Variants in CSMD1 observed in about 807,000 individuals in gnomAD.
The protein encoded by CSMD1 is CUB and Sushi multiple domains 1.
A neutral mutation model predicts 417.5 loss-of-function variants in CSMD1; 213 were observed. The ratio of observed to expected loss-of-function variants is 0.51; its 90% CI spans 0.46 to 0.57. The LOEUF is 0.57. CSMD1 is among the 20% of genes least tolerant of loss of function. The pLI, the probability that CSMD1 is intolerant of heterozygous loss-of-function variation, is 0.00. For missense variants in CSMD1, 6,923 were observed against 4,529.7 expected (o/e 1.53, Z -15.17); for synonymous variants, 2,862 against 1,736.8 (o/e 1.65, Z -16.11).
In CSMD1 at chr8:3,942,411, G is replaced by A. The variant is rs1409426063; in HGVS notation, c.818+55492C>T. Among the ~76,000 whole-genome samples, 3 of 152,054 alleles carry A rather than the reference G, an allele frequency of 2.0e-5. No homozygotes were observed. The East Asian group carries it at 5.8e-4, about 29-fold the overall frequency. The stretch of plus-strand genomic sequence containing the variant: ...CTTTTCTCAAAGTGACACTGCTAAG[G>A]CAAAGCATTACATTTATGGTACCTG... On this transcript the variant is annotated intron_variant, in intron 5 of 69. Transcript: ENST00000635120.
At chr8:4,796,787 C>T (rs757376902) in intron 1 of CSMD1, among the ~76,000 whole-genome samples, 5 of 152,284 alleles carry the variant, frequency 3.3e-5, no homozygotes, top group East Asian at 1.9e-4. Flanking sequence ...TTTGCAATCA[C>T]GGTGAGTAAA....
At chr8:3,993,477 A>G (rs1243400052) in intron 5 of CSMD1, among the ~76,000 whole-genome samples, 1 of 152,156 alleles carries the variant, frequency 6.6e-6, no homozygotes. Context: ...AGCTTTCCCC[A>G]TTTCTCTGAA....
chr8:3,069,600 G>A (rs1387973526), intron 49 of CSMD1, among the ~76,000 whole-genome samples: 2 of 152,170 alleles, frequency 1.3e-5, no homozygotes. Context: ...GCCTTGGGCA[G>A]CTTTGCTTCT....
chr8:3,809,708 C>G (rs1477232713), intron 5 of CSMD1, among the ~76,000 whole-genome samples: 1 of 152,090 alleles, frequency 6.6e-6, no homozygotes, highest in Non-Finnish European at 1.5e-5. Context: ...GAGACACTGC[C>G]ACGAATCTAT....
intron 17 of CSMD1, among the ~76,000 whole-genome samples, chr8:3,394,012 TTATATATATATATATATATATATATATA>T (rs1175905929): frequency 6.3e-5 from 2 of 31,632 alleles, no homozygotes; most frequent in Non-Finnish European, 1.2e-4. Context: ...AAAAAATAAA[TTATATATATATATATATATATATATATA>T]TATATATATA....
At chr8:4,262,773 G>A (rs972957404) in intron 3 of CSMD1, among the ~76,000 whole-genome samples, 9 of 152,148 alleles carry the variant, frequency 5.9e-5, no homozygotes, top group Non-Finnish European at 1.3e-4. Flanking sequence ...ACTCAGCTAT[G>A]GAGAGGAAGG....
At chr8:3,776,595 G>T (rs1798896836) in intron 5 of CSMD1, among the ~76,000 whole-genome samples, 1 of 152,022 alleles carries the variant, frequency 6.6e-6, no homozygotes, top group African/African-American at 2.4e-5. Context: ...CGGGACTTTT[G>T]TTAAATCTCA....
chr8:3,147,068 G>A (rs1818889368), intron 40 of CSMD1, among the ~76,000 whole-genome samples: 1 of 148,210 alleles, frequency 6.7e-6, no homozygotes, highest in African/African-American at 2.6e-5. Flanking sequence ...AACTGGAGGA[G>A]CAACGCTTAC....
intron 5 of CSMD1, among the ~76,000 whole-genome samples, chr8:3,858,756 C>T (rs1804486587): frequency 1.3e-5 from 2 of 152,018 alleles, no homozygotes; most frequent in South Asian, 4.2e-4. Flanking sequence ...GGATGTTACA[C>T]TCCTGTATAA....
chr8:4,457,600 C>A (rs564002403), intron 2 of CSMD1, among the ~76,000 whole-genome samples: 1 of 151,982 alleles, frequency 6.6e-6, no homozygotes, highest in Non-Finnish European at 1.5e-5. Context: ...CCCTACATTG[C>A]TACTTAATCA....
chr8:4,458,473 T>C (rs1053035859), intron 2 of CSMD1, among the ~76,000 whole-genome samples: 1 of 152,214 alleles, frequency 6.6e-6, no homozygotes, highest in African/African-American at 2.4e-5. Flanking sequence ...GTAACTACTA[T>C]TGCTAAGCAT....
At chr8:4,632,999 C>G (rs1478283) in intron 2 of CSMD1, among the ~76,000 whole-genome samples, 110,156 of 151,858 alleles carry the variant, frequency 0.73, 40,417 homozygotes, top group Admixed American at 0.82. Flanking sequence ...CGATCATGGA[C>G]TTTCTTGAAT....
chr8:4,216,011 T>C (rs1366899079), intron 3 of CSMD1, among the ~76,000 whole-genome samples: 1 of 152,194 alleles, frequency 6.6e-6, no homozygotes, highest in African/African-American at 2.4e-5. Flanking sequence ...CAGCCACAAA[T>C]AGCCAGTCCT....
chr8:3,956,778 G>T (rs912407274), intron 5 of CSMD1, among the ~76,000 whole-genome samples: 1 of 152,082 alleles, frequency 6.6e-6, no homozygotes, highest in Non-Finnish European at 1.5e-5. Flanking sequence ...TTAGCCTCTG[G>T]AAGAATCGAT....
At chr8:4,259,504 C>A (rs13253622) in intron 3 of CSMD1, among the ~76,000 whole-genome samples, 62,925 of 151,268 alleles carry the variant, frequency 0.42, 15,036 homozygotes, top group Non-Finnish European at 0.55. Flanking sequence ...GTTTATGGCC[C>A]ATCCTTCAAC....
At chr8:3,638,576 T>A (rs746260435) in intron 7 of CSMD1, among the ~76,000 whole-genome samples, 1 of 152,184 alleles carries the variant, frequency 6.6e-6, no homozygotes, top group Non-Finnish European at 1.5e-5. Context: ...GCCTGCAAAG[T>A]GCAATCTGGA....
chr8:3,890,901 C>T (rs1806928306), intron 5 of CSMD1, among the ~76,000 whole-genome samples: 1 of 152,118 alleles, frequency 6.6e-6, no homozygotes, highest in Admixed American at 6.5e-5. Context: ...GTGCTAGCTA[C>T]TCTCTCATAG....
chr8:3,759,025 G>A lies in CSMD1; in HGVS notation c.819-4983C>T, dbSNP rs540333598. On this transcript the variant is annotated intron_variant, in intron 5 of 69. Coordinates refer to ENST00000635120, the MANE Select transcript of CSMD1 (RefSeq NM_033225.6). ...TTTATAACTGGAAACGCAAACAAAC[G>A]CCTTTTCCCATAGAGTCTCCAGAGA... 1.2e-3 allele frequency among the ~76,000 whole-genome samples: 189 copies of A among 152,272 alleles called. 1 individual carries two copies. Among genetic ancestry groups the A allele is most frequent in the Admixed American group, 4.5e-3 (69 of 15,298 alleles).
rs149431584 is a variant in CSMD1, at chr8:3,180,457, G to T, written c.5725+653C>A. ...AGAAGTCAGGATTGTCCACCTTCTG[G>T]GGAATGCTAATATGAGTATTTTTTA... On this transcript the variant is annotated intron_variant, in intron 37 of 69. Coordinates refer to ENST00000635120, the MANE Select transcript of CSMD1 (RefSeq NM_033225.6). Among the ~76,000 whole-genome samples, 7 of 152,120 alleles carry T rather than the reference G, an allele frequency of 4.6e-5. No individual in the cohort carries two copies. The East Asian group carries it at 1.2e-3, about 25-fold the overall frequency.
Sources: allele counts gnomAD v4.1 joint callset (sites outside exome capture counted in the v4.1 genomes callset), GRCh38; gene constraint gnomAD v4.1.1; transcripts MANE v1.5; gene names NCBI Gene and HGNC (gene_info 2026-07-23, HGNC 2026-07-21).